The following ZNF385D variants were observed in gnomAD, a reference collection of about 807,000 sequenced individuals.
ZNF385D encodes the protein zinc finger protein 659.
In ZNF385D, 15 loss-of-function variants were observed where a neutral mutation model predicts 35.8. That is an observed-to-expected ratio of 0.42 (90% CI 0.28 to 0.64). ZNF385D has a LOEUF of 0.64. ZNF385D is among the 30% of genes least tolerant of loss of function. ZNF385D has a pLI of 0.23. For missense variants in ZNF385D, 474 were observed against 494.6 expected (o/e 0.96, Z 0.39); for synonymous variants, 212 against 186.8 (o/e 1.13, Z -1.10).
intron 2 of ZNF385D, among the ~76,000 whole-genome samples, chr3:21,643,766 C>G (rs2065673506): frequency 1.3e-5 from 2 of 152,086 alleles, no homozygotes; most frequent in African/African-American, 4.8e-5. Flanking sequence ...CGCCGAGACC[C>G]TGTGGTTTAG....
chr3:22,084,217 A>T (rs1355083764), intron 3 of ZNF385D, among the ~76,000 whole-genome samples: 1 of 152,184 alleles, frequency 6.6e-6, no homozygotes, highest in Non-Finnish European at 1.5e-5. Flanking sequence ...GACAGGATCA[A>T]ATTCACACAT....
intron 3 of ZNF385D, among the ~76,000 whole-genome samples, chr3:22,076,066 C>T (rs1365171052): frequency 6.6e-6 from 1 of 151,880 alleles, no homozygotes; most frequent in Admixed American, 6.6e-5. Context: ...GTCTAAACTA[C>T]TGTAATTTTT....
intron 3 of ZNF385D, among the ~76,000 whole-genome samples, chr3:21,915,352 A>G (rs756181527): frequency 2.0e-5 from 3 of 152,116 alleles, no homozygotes; most frequent in Non-Finnish European, 4.4e-5. Flanking sequence ...TATTGCAGGT[A>G]TTTGCCTGTT....
At chr3:22,122,656 A>G (rs910518463) in intron 3 of ZNF385D, among the ~76,000 whole-genome samples, 1 of 152,184 alleles carries the variant, frequency 6.6e-6, no homozygotes, top group Admixed American at 6.6e-5. Context: ...AATAAGTTCT[A>G]TGGAAGAAAG....
rs1362820923 is a variant in ZNF385D, at chr3:22,224,238, A to ATT, written c.107-55204_107-55203insAA. 1.2e-4 allele frequency among the ~76,000 whole-genome samples: 18 copies of ATT among 152,324 alleles called. 1 individual carries two copies. Among genetic ancestry groups the ATT allele is most frequent in the Middle Eastern group, 3.4e-3 (1 of 294 alleles). On this transcript the variant is annotated intron_variant, in intron 2 of 5. Coordinates refer to the ZNF385D transcript ENST00000494108. ...TGAAGAAAGTGTTATTTCATCCATG[A>ATT]AAAGAGATATAATTAAACTGAAGTT...
At chr3:21,784,104 T>C (rs2071595969) in intron 3 of ZNF385D, among the ~76,000 whole-genome samples, 1 of 152,174 alleles carries the variant, frequency 6.6e-6, no homozygotes, top group African/African-American at 2.4e-5. Context: ...AAGAAGTTTG[T>C]CATTTAGTGA....
At chr3:21,765,377 T>C (rs988628446) in intron 3 of ZNF385D, among the ~76,000 whole-genome samples, 1 of 152,104 alleles carries the variant, frequency 6.6e-6, no homozygotes, top group Non-Finnish European at 1.5e-5. Flanking sequence ...TCTGGGGAAA[T>C]GCTTATTTCA....
intron 2 of ZNF385D, among the ~76,000 whole-genome samples, chr3:22,208,009 G>A (rs1236031239): frequency 6.6e-6 from 1 of 151,906 alleles, no homozygotes; most frequent in Non-Finnish European, 1.5e-5. Flanking sequence ...CCAATATGAA[G>A]AAGAGTTTAA....
rs1703482766 is a variant in ZNF385D at position 21,465,915 on chromosome 3, T to C, written c.440-28712A>G. On this transcript the variant is annotated intron_variant, in intron 4 of 7. Transcript: ENST00000281523. The surrounding 1 kb of genome is among the most constrained non-coding windows in gnomAD (Gnocchi z 4.2). Reference sequence around the variant, plus strand: ...ATACAGGAGCTGCCGTGAGCACAAATAGAGATGCTCTTCTGCTGCATAAAT... The same window carrying C: ...ATACAGGAGCTGCCGTGAGCACAAACAGAGATGCTCTTCTGCTGCATAAAT... Among the ~76,000 whole-genome samples, 2 of 152,268 alleles carry C rather than the reference T, an allele frequency of 1.3e-5. No homozygotes were observed. The highest frequency in any genetic ancestry group is 1.9e-4 in the East Asian group (1 of 5,166).
intron 2 of ZNF385D, among the ~76,000 whole-genome samples, chr3:22,282,561 G>T (rs554527005): frequency 1.3e-4 from 20 of 152,082 alleles, no homozygotes; most frequent in Middle Eastern, 6.8e-3. Flanking sequence ...TTTTGGAGTT[G>T]ATTTCCAATT....
At chr3:21,893,438 TG>T (rs200745437) in intron 3 of ZNF385D, among the ~76,000 whole-genome samples, 195 of 152,304 alleles carry the variant, frequency 1.3e-3, no homozygotes, top group African/African-American at 4.3e-3. Context: ...TGCACTGGTC[TG>T]TGGTCTGGGA....
At chr3:21,576,912 A>G (rs561082280) in intron 2 of ZNF385D, among the ~76,000 whole-genome samples, 1 of 152,318 alleles carries the variant, frequency 6.6e-6, no homozygotes, top group Admixed American at 6.5e-5. Context: ...ATGGGGTAAC[A>G]TTGTGATATT....
At chr3:21,901,950 G>C (rs1167080275) in intron 3 of ZNF385D, among the ~76,000 whole-genome samples, 1 of 152,098 alleles carries the variant, frequency 6.6e-6, no homozygotes, top group Non-Finnish European at 1.5e-5. Context: ...CCTCGTATCA[G>C]CTTTCAAGAA....
chr3:22,113,258 A>C (rs183973205), intron 3 of ZNF385D, among the ~76,000 whole-genome samples: 4 of 152,210 alleles, frequency 2.6e-5, no homozygotes, highest in Non-Finnish European at 1.5e-5. Flanking sequence ...TCTCATTCTA[A>C]ATCTTTCTGA....
chr3:21,529,926 T>G (rs765378917), intron 3 of ZNF385D, among the ~76,000 whole-genome samples: 3 of 152,212 alleles, frequency 2.0e-5, no homozygotes, highest in Non-Finnish European at 2.9e-5. Flanking sequence ...ACAAATCTCA[T>G]GTTGAAATGT....
intron 3 of ZNF385D, among the ~76,000 whole-genome samples, chr3:21,921,942 A>G (rs1365958297): frequency 6.6e-6 from 1 of 152,152 alleles, no homozygotes; most frequent in Non-Finnish European, 1.5e-5. Flanking sequence ...TGCCAATCCT[A>G]CTGAAACTAT....
chr3:21,854,224 C>A (rs988223800), intron 3 of ZNF385D, among the ~76,000 whole-genome samples: 2 of 151,864 alleles, frequency 1.3e-5, no homozygotes, highest in Admixed American at 1.3e-4. Context: ...TAAAGGAGAG[C>A]TTTTGAACCG....
chr3:21,950,538 A>G (rs1214158655), intron 3 of ZNF385D, among the ~76,000 whole-genome samples: 1 of 151,634 alleles, frequency 6.6e-6, no homozygotes, highest in East Asian at 1.9e-4. Context: ...TTTGCTGTGC[A>G]GAAGTTCTTT....
chr3:22,214,764 T>C (rs2125268310), intron 2 of ZNF385D, among the ~76,000 whole-genome samples: 1 of 152,200 alleles, frequency 6.6e-6, no homozygotes, highest in Non-Finnish European at 1.5e-5. Flanking sequence ...TGTCTCCTGA[T>C]AAGATGTTAT....
Sources: gnomAD v4.1 joint callset for allele counts (sites outside exome capture counted in the v4.1 genomes callset) on GRCh38, gnomAD v4.1.1 for gene constraint, Gnocchi (gnomAD v3.1) non-coding constraint, MANE v1.5 for transcripts, NCBI Gene and HGNC (gene_info 2026-07-23, HGNC 2026-07-21) for gene names.